AHCYL2: variants seen among roughly 807,000 people sequenced by gnomAD.
AHCYL2 encodes S-adenosylhomocysteine hydrolase-like protein 2.
A neutral mutation model predicts 81.4 loss-of-function variants in AHCYL2; 28 were observed. The observed-to-expected ratio is 0.34, with a 90% CI of 0.25 to 0.47. The LOEUF is 0.47. Among genes scored for constraint, AHCYL2 ranks in the 20% least tolerant of loss-of-function variants. The pLI, the probability that AHCYL2 is intolerant of heterozygous loss-of-function variation, is 1.00. For missense variants in AHCYL2, 551 were observed against 785.1 expected (o/e 0.70, Z 3.56); for synonymous variants, 272 against 290.2 (o/e 0.94, Z 0.64).
intron 1 of AHCYL2, among the ~76,000 whole-genome samples, chr7:129,239,001 A>C (rs1017806709): frequency 1.8e-4 from 26 of 147,652 alleles, no homozygotes; most frequent in African/African-American, 6.2e-4. Flanking sequence ...TTACAAGTCT[A>C]GAAATTCACA....
intron 2 of AHCYL2, among the ~76,000 whole-genome samples, chr7:129,381,550 A>C (rs543868377): frequency 1.8e-4 from 28 of 152,340 alleles, no homozygotes; most frequent in African/African-American, 6.7e-4. Context: ...CAGGCACAGG[A>C]AGTCAAAACA....
intron 6 of AHCYL2, 92 bp downstream of exon 6, chr7:129,400,476 G>A (rs1584884066): frequency 2.5e-6 from 3 of 1,223,730 alleles, no homozygotes; most frequent in African/African-American, 3.0e-5. Context: ...CCAACAAGAA[G>A]GAAGGAAAAT....
At chr7:129,230,409 A>G (rs965225780) in intron 1 of AHCYL2, among the ~76,000 whole-genome samples, 14 of 151,944 alleles carry the variant, frequency 9.2e-5, no homozygotes, top group African/African-American at 2.4e-4. Context: ...GGCCTCGAAG[A>G]TAGCTAGTGT....
intron 1 of AHCYL2, among the ~76,000 whole-genome samples, chr7:129,367,845 G>C (rs181173893): frequency 2.0e-5 from 3 of 152,284 alleles, no homozygotes; most frequent in African/African-American, 7.2e-5. Flanking sequence ...GGCTCCATCC[G>C]AACCTCCCAT....
At chr7:129,232,095 A>C (rs186959562) in intron 1 of AHCYL2, among the ~76,000 whole-genome samples, 64 of 152,264 alleles carry the variant, frequency 4.2e-4, no homozygotes, top group Middle Eastern at 3.4e-3. Flanking sequence ...CCTGAGGCTA[A>C]AACTAGCTTC....
chr7:129,319,268 C>T (rs2150785525), intron 1 of AHCYL2, among the ~76,000 whole-genome samples: 1 of 152,072 alleles, frequency 6.6e-6, no homozygotes, highest in East Asian at 1.9e-4. Flanking sequence ...CCAACCTGGG[C>T]AACATGGTGA....
At chr7:129,362,597 GTTTTTT>G (rs769346623) in intron 1 of AHCYL2, among the ~76,000 whole-genome samples, 1 of 63,630 alleles carries the variant, frequency 1.6e-5, no homozygotes, top group Non-Finnish European at 3.1e-5. Flanking sequence ...TGGTTTTCTT[GTTTTTT>G]TTTTTTTTTT....
At chr7:129,305,678 T>C (rs1797415930) in intron 1 of AHCYL2, among the ~76,000 whole-genome samples, 1 of 152,178 alleles carries the variant, frequency 6.6e-6, no homozygotes, top group South Asian at 2.1e-4. Flanking sequence ...CTGTGTACTA[T>C]TACCAGTGAG....
rs1794173883 is a variant in AHCYL2, at chr7:129,225,398, C to G, written c.322C>G (p.Pro108Ala). The G allele has an allele frequency of 6.6e-7, 1 of 1,516,866 alleles. No individual in the cohort carries two copies. Among genetic ancestry groups the G allele is most frequent in the Non-Finnish European group, 8.8e-7 (1 of 1,138,150 alleles). The allele number at this position is 1,516,866 out of a possible 1,614,324, so 94.0% of individuals were successfully genotyped here. A position where few individuals can be genotyped will look rare whatever the true frequency, so the allele number is the denominator to read the frequency against. The change falls in exon 1 of 17, where the codon CCC becomes GCC. Residue 108 changes from proline (P) to alanine (A), a missense_variant. Transcript: ENST00000325006. ...CGACGGCGGCGAGGCCCTGGTCAGC[C>G]CCGACGGCACCGTCACCGAGGCGCC... ...HRDGGEALVS[P>A]DGTVTEAPRT...
chr7:129,256,907 C>T (rs34783708), intron 1 of AHCYL2, among the ~76,000 whole-genome samples: 26 of 151,626 alleles, frequency 1.7e-4, no homozygotes, highest in African/African-American at 5.1e-4. Flanking sequence ...TTCTACAAAC[C>T]GAGTCTTAGG....
At chr7:129,397,097 A>G in intron 4 of AHCYL2, 125 bp from the exon 5 acceptor site, 1 of 768,398 alleles carries the variant, frequency 1.3e-6, no homozygotes, top group East Asian at 2.7e-5. Context: ...TGTAGAGCCC[A>G]ATTTGAAAAT....
At chr7:129,325,091 A>G (rs1563197369) in intron 1 of AHCYL2, among the ~76,000 whole-genome samples, 1 of 152,152 alleles carries the variant, frequency 6.6e-6, no homozygotes, top group Non-Finnish European at 1.5e-5. Flanking sequence ...ATTGTAAAAA[A>G]TGTTTGTATT....
intron 1 of AHCYL2, among the ~76,000 whole-genome samples, chr7:129,304,876 A>G (rs552959149): frequency 6.6e-6 from 1 of 151,060 alleles, no homozygotes; most frequent in East Asian, 1.9e-4. Context: ...TAGTCCATTT[A>G]CATTCAATGT....
At chr7:129,260,825 G>A (rs1416431129) in intron 1 of AHCYL2, among the ~76,000 whole-genome samples, 1 of 151,980 alleles carries the variant, frequency 6.6e-6, no homozygotes. Flanking sequence ...GTCTTGCCCT[G>A]TCACCCAGGC....
chr7:129,334,617 C>A (rs530374201), intron 1 of AHCYL2, among the ~76,000 whole-genome samples: 1 of 152,152 alleles, frequency 6.6e-6, no homozygotes, highest in Non-Finnish European at 1.5e-5. Flanking sequence ...TAACAAAGTA[C>A]ACTTGGTAAC....
intron 3 of AHCYL2, 139 bp downstream of exon 3, chr7:129,389,338 C>A: frequency 2.2e-6 from 2 of 924,208 alleles, no homozygotes; most frequent in South Asian, 1.8e-5. Context: ...AATGTGAGTT[C>A]AAGAAACACT....
rs532562797 is a variant in AHCYL2 at position 129,414,571 on chromosome 7, C to T, written c.1461+883C>T. 1.1e-4 allele frequency among the ~76,000 whole-genome samples: 16 copies of T among 152,182 alleles called. No homozygotes were observed. The South Asian group carries it at 3.1e-3, about 30-fold the overall frequency. ...GAGTAGCTGGGACTACAGGTGCTCG[C>T]TACCATGCCTGGCTAATTTTTATGT... is the stretch of plus-strand genomic sequence containing the variant. On this transcript the variant is annotated intron_variant, in intron 12 of 16. Coordinates refer to ENST00000325006, the MANE Select transcript of AHCYL2 (RefSeq NM_015328.4).
rs1244272702 is a variant in AHCYL2, at chr7:129,405,157, A to G, written c.1086A>G (p.Ser362=). 6.2e-7 allele frequency: 1 copy of G among 1,606,432 alleles called. No homozygotes were observed. Among genetic ancestry groups the G allele is most frequent in the Non-Finnish European group, 8.5e-7 (1 of 1,176,752 alleles). Residue 362 remains serine, a synonymous_variant, in exon 8 of 17, where the codon TCA becomes TCG. Transcript: ENST00000325006. ...LCVPAMNVND[S]VTKQKFDNLY... ...TTCCAGCCATGAATGTCAATGACTC[A>G]GTCACCAAACAGAAATTTGACAACC...
At chr7:129,295,543 G>C (rs1424300788) in intron 1 of AHCYL2, among the ~76,000 whole-genome samples, 2 of 152,002 alleles carry the variant, frequency 1.3e-5, no homozygotes, top group Non-Finnish European at 2.9e-5. Flanking sequence ...GTCATTATTT[G>C]GTATTTCTCC....
Sources: gnomAD v4.1 joint callset for allele counts (sites outside exome capture counted in the v4.1 genomes callset) on GRCh38, gnomAD v4.1.1 for gene constraint, MANE v1.5 for transcripts, NCBI Gene and HGNC (gene_info 2026-07-23, HGNC 2026-07-21) for gene names.